Variants in CFAP299 observed in about 807,000 individuals in gnomAD.
CFAP299 encodes cilia- and flagella-associated protein 299.
CFAP299 carries 21 observed loss-of-function variants against 27.0 expected under a neutral mutation model. The observed-to-expected ratio is 0.78, with a 90% CI of 0.55 to 1.12. CFAP299 has a LOEUF of 1.12. Ranked by LOEUF, CFAP299 falls within the 50% of genes most tolerant of loss-of-function variation. CFAP299 has a pLI of 0.00. For missense variants in CFAP299, 310 were observed against 276.6 expected (o/e 1.12, Z -0.86); for synonymous variants, 104 against 98.1 (o/e 1.06, Z -0.36).
intron 2 of CFAP299, among the ~76,000 whole-genome samples, chr4:80,475,873 G>A (rs1730249377): frequency 6.6e-6 from 1 of 152,180 alleles, no homozygotes; most frequent in African/African-American, 2.4e-5. Flanking sequence ...TGAAGAGGAT[G>A]ATCTAGGAAA....
At chr4:80,938,042 A>C (rs1737001805) in intron 4 of CFAP299, among the ~76,000 whole-genome samples, 2 of 150,630 alleles carry the variant, frequency 1.3e-5, no homozygotes, top group Admixed American at 1.3e-4. Flanking sequence ...TATGTAATTG[A>C]TATCATGTCC....
At chr4:80,924,934 T>C (rs1277864431) in intron 4 of CFAP299, among the ~76,000 whole-genome samples, 2 of 151,876 alleles carry the variant, frequency 1.3e-5, no homozygotes, top group Non-Finnish European at 2.9e-5. Context: ...TGTTTCAAGT[T>C]GGGGTCATTG....
chr4:80,799,089 G>C (rs953838350), intron 3 of CFAP299, among the ~76,000 whole-genome samples: 2 of 139,958 alleles, frequency 1.4e-5, no homozygotes, highest in Admixed American at 7.8e-5. Context: ...CTAATAGTGT[G>C]TGTGAGTTTA....
intron 4 of CFAP299, among the ~76,000 whole-genome samples, chr4:80,907,714 A>G (rs1735255013): frequency 6.6e-6 from 1 of 152,212 alleles, no homozygotes; most frequent in Non-Finnish European, 1.5e-5. Flanking sequence ...TAACTGCCCC[A>G]TGATGCAATT....
intron 3 of CFAP299, among the ~76,000 whole-genome samples, chr4:80,851,617 G>A (rs1228328148): frequency 6.6e-6 from 1 of 152,142 alleles, no homozygotes; most frequent in South Asian, 2.1e-4. Flanking sequence ...TAAAGTAGAA[G>A]AAAAATGACT....
intron 3 of CFAP299, among the ~76,000 whole-genome samples, chr4:80,868,905 C>CTCTGTGTGTGTGTGTG (rs1435285713): frequency 7.3e-6 from 1 of 137,680 alleles, no homozygotes; most frequent in African/African-American, 2.7e-5. Flanking sequence ...GCTTCTCTCT[C>CTCTGTGTGTGTGTGTG]TGTGTGTGTG....
intron 2 of CFAP299, among the ~76,000 whole-genome samples, chr4:80,446,236 G>A (rs1728609357): frequency 6.6e-6 from 1 of 152,188 alleles, no homozygotes; most frequent in Non-Finnish European, 1.5e-5. Flanking sequence ...TGTGTGTGTA[G>A]AGGATGTATA....
At chr4:80,457,503 T>C (rs1729226336) in intron 2 of CFAP299, among the ~76,000 whole-genome samples, 1 of 152,208 alleles carries the variant, frequency 6.6e-6, no homozygotes, top group South Asian at 2.1e-4. Context: ...CTGTGACTTT[T>C]AGAAGACACC....
At chr4:80,683,416 C>G (rs1019352702) in intron 3 of CFAP299, among the ~76,000 whole-genome samples, 1 of 152,066 alleles carries the variant, frequency 6.6e-6, no homozygotes, top group Admixed American at 6.6e-5. Context: ...CTAATATTTT[C>G]TTATTCTGTC....
At chr4:80,861,115 C>T (rs576082112) in intron 3 of CFAP299, among the ~76,000 whole-genome samples, 154 of 152,326 alleles carry the variant, frequency 1.0e-3, no homozygotes, top group Middle Eastern at 3.4e-3. Flanking sequence ...TGGACAATGG[C>T]GGGCGCCCCT....
intron 3 of CFAP299, among the ~76,000 whole-genome samples, chr4:80,630,318 C>A (rs887195187): frequency 6.6e-6 from 1 of 152,080 alleles, no homozygotes; most frequent in African/African-American, 2.4e-5. Context: ...CATTCTATAT[C>A]TGTGAAAGTT....
chr4:80,727,104 T>A (rs1723208246), intron 3 of CFAP299, among the ~76,000 whole-genome samples: 1 of 152,086 alleles, frequency 6.6e-6, no homozygotes, highest in Non-Finnish European at 1.5e-5. Flanking sequence ...AACATTTAAA[T>A]GTTTTAGGAA....
chr4:80,728,793 C>A (rs1029242514), intron 3 of CFAP299, among the ~76,000 whole-genome samples: 1 of 152,204 alleles, frequency 6.6e-6, no homozygotes, highest in Non-Finnish European at 1.5e-5. Context: ...GTCTCTGTCT[C>A]CATTGCTGTC....
chr4:80,895,224 A>T (rs1734557499), intron 4 of CFAP299, among the ~76,000 whole-genome samples: 2 of 151,764 alleles, frequency 1.3e-5, no homozygotes, highest in Non-Finnish European at 3.0e-5. Context: ...AATGATGGCT[A>T]TGTTAATTAG....
chr4:80,770,791 G>C (rs1726168890), intron 3 of CFAP299, among the ~76,000 whole-genome samples: 1 of 151,976 alleles, frequency 6.6e-6, no homozygotes, highest in Non-Finnish European at 1.5e-5. Context: ...TTTGGTTTTG[G>C]GAGTAAGTCC....
At chr4:80,398,358 A>C (rs1301664991) in intron 2 of CFAP299, among the ~76,000 whole-genome samples, 1 of 152,208 alleles carries the variant, frequency 6.6e-6, no homozygotes, top group African/African-American at 2.4e-5. Flanking sequence ...ATATGGAACC[A>C]AAAAAGAGCC....
chr4:80,782,648 G>C (rs11930317), intron 3 of CFAP299, among the ~76,000 whole-genome samples: 3 of 95,948 alleles, frequency 3.1e-5, no homozygotes, highest in African/African-American at 1.3e-4. Flanking sequence ...ATACATATAT[G>C]AATATATAAT....
chr4:80,833,486 C>T (rs1730406346), intron 3 of CFAP299, among the ~76,000 whole-genome samples: 1 of 151,888 alleles, frequency 6.6e-6, no homozygotes, highest in Non-Finnish European at 1.5e-5. Flanking sequence ...GAGACAACTA[C>T]TTTTAAAGGA....
At chr4:80,902,374 A>T (rs1197011793) in intron 4 of CFAP299, among the ~76,000 whole-genome samples, 1 of 138,146 alleles carries the variant, frequency 7.2e-6, no homozygotes, top group Non-Finnish European at 1.5e-5. Context: ...AATATAGATT[A>T]TATATTTTAT....
Sources: allele counts gnomAD v4.1 joint callset (sites outside exome capture counted in the v4.1 genomes callset), GRCh38; gene constraint gnomAD v4.1.1; transcripts MANE v1.5; gene names NCBI Gene and HGNC (gene_info 2026-07-23, HGNC 2026-07-21).